PARD3B: variants seen among roughly 807,000 people sequenced by gnomAD.
The protein encoded by PARD3B is partitioning defective 3 homolog B.
Under a neutral mutation model 130.2 loss-of-function variants are expected in PARD3B, and 103 were observed. The observed-to-expected ratio is 0.79, with a 90% CI of 0.67 to 0.93. PARD3B has a LOEUF of 0.93. Among genes scored for constraint, PARD3B ranks in the 40% least tolerant of loss-of-function variants. The probability of loss-of-function intolerance (pLI) is 0.00; values close to 1 mark genes in which losing one functional copy is unlikely to be tolerated. For synonymous variants in PARD3B, 583 were observed against 553.2 expected, an observed-to-expected ratio of 1.05 and a Z score of -0.76; for missense variants, 1,609 against 1,499.2, an observed-to-expected ratio of 1.07 and a Z score of -1.21.
chr2:204,885,382 T>C (rs1405495941), intron 2 of PARD3B, among the ~76,000 whole-genome samples: 1 of 152,366 alleles, frequency 6.6e-6, no homozygotes, highest in South Asian at 2.1e-4. Context: ...GAGATCTTTG[T>C]CAGATGGATA....
chr2:204,810,662 T>G lies in PARD3B; in HGVS notation c.222+124380T>G, dbSNP rs535963853. Reference sequence around the variant, plus strand: ...CTTGCATATCAGAGATAAGGCCTACTTGATCTTGGTGGATTAGCTTTTTGA... The same window carrying G: ...CTTGCATATCAGAGATAAGGCCTACGTGATCTTGGTGGATTAGCTTTTTGA... On this transcript the variant is annotated intron_variant, in intron 2 of 22. Transcript: ENST00000406610. Among the ~76,000 whole-genome samples the G allele has an allele frequency of 1.2e-3, 185 of 152,330 alleles. 2 individuals carry two copies. The highest frequency in any genetic ancestry group is 3.4e-3 in the Middle Eastern group (1 of 294).
intron 22 of PARD3B, among the ~76,000 whole-genome samples, chr2:205,565,340 A>G (rs1467125607): frequency 6.6e-6 from 1 of 152,224 alleles, no homozygotes; most frequent in Non-Finnish European, 1.5e-5. Flanking sequence ...TGGAGTTGGT[A>G]TCAAGCTTCT....
chr2:205,512,265 A>G (rs1281052386), intron 21 of PARD3B, among the ~76,000 whole-genome samples: 1 of 152,200 alleles, frequency 6.6e-6, no homozygotes, highest in Non-Finnish European at 1.5e-5. Context: ...TGTTTATGAA[A>G]GAGTGCAAAA....
chr2:204,815,905 G>C (rs999727518), intron 2 of PARD3B, among the ~76,000 whole-genome samples: 1 of 151,996 alleles, frequency 6.6e-6, no homozygotes, highest in South Asian at 2.1e-4. Flanking sequence ...TCAGTCTGTT[G>C]AGACGTACAT....
At chr2:204,592,458 A>G (rs2033117610) in intron 1 of PARD3B, among the ~76,000 whole-genome samples, 1 of 152,234 alleles carries the variant, frequency 6.6e-6, no homozygotes, top group South Asian at 2.1e-4. Context: ...TGTGTTTTCT[A>G]AAACATCCAA....
intron 22 of PARD3B, among the ~76,000 whole-genome samples, chr2:205,597,616 T>C (rs1428195734): frequency 6.6e-6 from 1 of 152,228 alleles, no homozygotes; most frequent in African/African-American, 2.4e-5. Context: ...CCACAGTGGC[T>C]GGATTAACTT....
chr2:204,981,008 C>T (rs149277439), intron 3 of PARD3B, among the ~76,000 whole-genome samples: 3 of 152,274 alleles, frequency 2.0e-5, no homozygotes, highest in Admixed American at 6.5e-5. Context: ...TCTTTTTATA[C>T]TATCTTTGCA....
intron 1 of PARD3B, among the ~76,000 whole-genome samples, chr2:204,636,902 GTATCT>G (rs1423688161): frequency 1.3e-5 from 2 of 152,032 alleles, no homozygotes; most frequent in Non-Finnish European, 1.5e-5. Flanking sequence ...CCCCTTTACA[GTATCT>G]TCATATATAG....
In PARD3B at chr2:205,172,244, G is replaced by C; in HGVS notation, c.1654G>C (p.Ala552Pro). Residue 552 changes from alanine (A) to proline (P), a missense_variant, in exon 12 of 23, where the codon GCA becomes CCA. Ala to Pro is a conservative substitution (Grantham distance 27, BLOSUM62 -1). Transcript: ENST00000406610. Reference sequence around the variant, plus strand: ...TCTGCGAATGAATGACCAGCTGATTGCAGTTAATGGGGAATCTCTTTTGGG... The same window carrying C: ...TCTGCGAATGAATGACCAGCTGATTCCAGTTAATGGGGAATCTCTTTTGGG... The part of the protein sequence containing the change: ...GRLRMNDQLI[A>P]VNGESLLGKS... The C allele has an allele frequency of 6.2e-7, 1 of 1,614,070 alleles. No individual in the cohort carries two copies. The highest frequency in any genetic ancestry group is 8.5e-7 in the Non-Finnish European group (1 of 1,180,004).
intron 2 of PARD3B, among the ~76,000 whole-genome samples, chr2:204,692,423 T>C (rs2037397655): frequency 6.6e-6 from 1 of 152,042 alleles, no homozygotes; most frequent in South Asian, 2.1e-4. Flanking sequence ...GTGTGTAACT[T>C]ATTCAGTCTG....
At chr2:205,418,927 C>G (rs1006321515) in intron 19 of PARD3B, among the ~76,000 whole-genome samples, 1 of 152,122 alleles carries the variant, frequency 6.6e-6, no homozygotes, top group African/African-American at 2.4e-5. Flanking sequence ...TCTGCAGATA[C>G]ATACAAAATT....
chr2:205,217,894 A>ATATTTTTTT (rs1559553191), intron 15 of PARD3B, among the ~76,000 whole-genome samples: 1 of 31,074 alleles, frequency 3.2e-5, no homozygotes, highest in African/African-American at 1.3e-4. Flanking sequence ...ATATATATAT[A>ATATTTTTTT]TTTTTTTTTT....
Position 204,965,455 on chromosome 2 carries a change from A to AT in PARD3B, c.394+139dup, listed in dbSNP as rs541856481. On this transcript the variant is annotated intron_variant, in intron 3 of 22. Transcript: ENST00000406610. The stretch of plus-strand genomic sequence containing the variant: ...TCGTGGTTTATCTTTTCTTTAAATT[A>AT]TTTTTTTACATAGCTCTTTGCAGCC... 489 of 978,390 alleles carry AT rather than the reference A, an allele frequency of 5.0e-4. 3 individuals are homozygous for AT. In the African/African-American group the frequency reaches 6.7e-3, roughly 13 times the overall value. 60.6% of individuals were successfully genotyped at this position (978,390 alleles called of 1,614,324 possible).
intron 2 of PARD3B, among the ~76,000 whole-genome samples, chr2:204,925,395 G>A (rs1168047577): frequency 2.6e-5 from 4 of 152,148 alleles, no homozygotes; most frequent in East Asian, 1.9e-4. Context: ...TCACCACCAA[G>A]CATCCCACCC....
At chr2:205,521,222 T>C (rs936423912) in intron 21 of PARD3B, among the ~76,000 whole-genome samples, 4 of 152,124 alleles carry the variant, frequency 2.6e-5, no homozygotes, top group South Asian at 2.1e-4. Flanking sequence ...CAAATATCAA[T>C]TATGTTGTTT....
intron 16 of PARD3B, among the ~76,000 whole-genome samples, chr2:205,272,989 A>G (rs1300922013): frequency 6.6e-6 from 1 of 152,238 alleles, no homozygotes; most frequent in Admixed American, 6.5e-5. Context: ...CAGATAAGTT[A>G]GCCAAATCAA....
chr2:205,518,326 G>A (rs2050881641), intron 21 of PARD3B, among the ~76,000 whole-genome samples: 1 of 152,080 alleles, frequency 6.6e-6, no homozygotes, highest in African/African-American at 2.4e-5. Context: ...TTACCATTAT[G>A]TAATGCCCGT....
chr2:204,636,868 T>A (rs1260902187), intron 1 of PARD3B, among the ~76,000 whole-genome samples: 3 of 152,168 alleles, frequency 2.0e-5, no homozygotes, highest in African/African-American at 7.2e-5. Context: ...AGTGGCCTCC[T>A]TCCTGCAGCC....
chr2:205,465,735 A>T (rs2048598184), intron 20 of PARD3B, among the ~76,000 whole-genome samples: 1 of 152,222 alleles, frequency 6.6e-6, no homozygotes, highest in Non-Finnish European at 1.5e-5. Flanking sequence ...CTAAGAAAAT[A>T]GGTACTGATG....
Sources: gnomAD v4.1 joint callset for allele counts (sites outside exome capture counted in the v4.1 genomes callset) on GRCh38, gnomAD v4.1.1 for gene constraint, MANE v1.5 for transcripts, NCBI Gene and HGNC (gene_info 2026-07-23, HGNC 2026-07-21) for gene names.